FAT4: variants seen among roughly 807,000 people sequenced by gnomAD.
The protein encoded by FAT4 is FAT atypical cadherin 4.
A neutral mutation model predicts 303.9 loss-of-function variants in FAT4; 84 were observed. The ratio of observed to expected loss-of-function variants is 0.28; its 90% CI spans 0.23 to 0.33. FAT4 has a LOEUF of 0.33. Ranked by LOEUF, FAT4 falls within the 10% of genes least tolerant of loss-of-function variation. The pLI, the probability that FAT4 is intolerant of heterozygous loss-of-function variation, is 1.00. For synonymous variants in FAT4, 2,307 were observed against 2,298.8 expected (o/e 1.00, Z -0.10); for missense variants, 6,005 against 6,146.8 (o/e 0.98, Z 0.77).
chr4:125,477,441 C>T, intron 14 of FAT4, 107 bp downstream of exon 14: 2 of 1,004,788 alleles, frequency 2.0e-6, no homozygotes, highest in Non-Finnish European at 2.8e-6. Context: ...CTAAAAATAC[C>T]AAATGATTTA....
chr4:125,443,888 A>T (rs1725742236), intron 8 of FAT4, among the ~76,000 whole-genome samples: 1 of 152,136 alleles, frequency 6.6e-6, no homozygotes, highest in African/African-American at 2.4e-5. Flanking sequence ...CTACGTACAG[A>T]GCTTATTGTG....
chr4:125,491,679 C>A lies in FAT4; in HGVS notation c.14863C>A (p.Leu4955Ile). Residue 4955 changes from leucine to isoleucine, a missense_variant, in exon 18 of 18, where the codon CTT becomes ATT. By Grantham distance (5) the Leu-to-Ile change is conservative. Coordinates refer to ENST00000394329, the MANE Select transcript of FAT4 (RefSeq NM_001291303.3). ...YVDVFKDLAS[L>I]PEKAAANEEG... ...AGATGTTTTTAAAGATTTGGCATCT[C>A]TTCCAGAAAAAGCAGCAGCAAATGA... The A allele has an allele frequency of 6.2e-7, 1 of 1,614,164 alleles. No homozygotes were observed. Among genetic ancestry groups the A allele is most frequent in the Non-Finnish European group, 8.5e-7 (1 of 1,180,032 alleles).
chr4:125,437,288 T>C (rs1725489742), intron 8 of FAT4, among the ~76,000 whole-genome samples: 1 of 151,698 alleles, frequency 6.6e-6, no homozygotes, highest in South Asian at 2.1e-4. Context: ...ACTTTAAAGG[T>C]AGGTTTAGGA....
At chr4:125,389,114 C>A (rs1284613582) in intron 2 of FAT4, among the ~76,000 whole-genome samples, 6 of 151,966 alleles carry the variant, frequency 3.9e-5, no homozygotes. Flanking sequence ...AAAAATGAAA[C>A]CAAAGAGAAT....
Position 125,322,795 on chromosome 4 carries a change from G to C in FAT4, c.5175+1209G>C, listed in dbSNP as rs145015210. The stretch of plus-strand genomic sequence containing the variant: ...TAGTAGTTGGTTATGTCTATCTATG[G>C]ATGGGGAAGAATATTTATGGCTTAA... On this transcript the variant is annotated intron_variant, in intron 2 of 17. Transcript: ENST00000394329. 9.5e-3 allele frequency among the ~76,000 whole-genome samples: 1,446 copies of C among 151,580 alleles called. 25 individuals carry two copies. The highest frequency in any genetic ancestry group is 0.033 in the African/African-American group (1,375 of 41,374).
At chr4:125,401,306 T>C (rs531348668) in intron 3 of FAT4, among the ~76,000 whole-genome samples, 12 of 152,184 alleles carry the variant, frequency 7.9e-5, no homozygotes, top group African/African-American at 2.6e-4. Context: ...TTGTTGTTTT[T>C]AGTTGCTTAT....
chr4:125,360,901 TTTTA>T (rs1425217376), intron 2 of FAT4, among the ~76,000 whole-genome samples: 19 of 147,422 alleles, frequency 1.3e-4, no homozygotes, highest in Admixed American at 3.4e-4. Flanking sequence ...TTATTAAATT[TTTTA>T]TTTATTTATT....
chr4:125,483,276 T>C (rs1727290964), intron 16 of FAT4, among the ~76,000 whole-genome samples: 1 of 152,168 alleles, frequency 6.6e-6, no homozygotes, highest in Non-Finnish European at 1.5e-5. Context: ...GTATTAGAAG[T>C]AAACAAAGTA....
Position 125,415,471 on chromosome 4 carries a change from G to A in FAT4, c.6508G>A (p.Gly2170Arg). The change falls in exon 6 of 18, where the codon GGA (glycine) becomes AGA (arginine). Residue 2170 changes from glycine (G) to arginine (R), a missense_variant. By Grantham distance (125) the Gly-to-Arg change is moderately radical. Transcript: ENST00000394329. ...KVEINENTLT[G>R]TDIIQVFAAD... ...GGAGATTAATGAAAACACACTTACT[G>A]GAACAGATATAATACAAGTGTTCGC... 1 of 1,614,038 alleles carries A rather than the reference G, an allele frequency of 6.2e-7. No individual in the cohort carries two copies. The highest frequency in any genetic ancestry group is 1.7e-4 in the Middle Eastern group (1 of 6,060).
chr4:125,462,406 A>G (rs915778092), intron 10 of FAT4, among the ~76,000 whole-genome samples: 6 of 151,990 alleles, frequency 3.9e-5, no homozygotes, highest in African/African-American at 1.4e-4. Context: ...CCAGAAACAA[A>G]TGATGTAGTA....
intron 2 of FAT4, among the ~76,000 whole-genome samples, chr4:125,385,689 T>C (rs1166358878): frequency 6.6e-6 from 1 of 152,198 alleles, no homozygotes; most frequent in Non-Finnish European, 1.5e-5. Flanking sequence ...TCAGTATTTA[T>C]AATTGATGGC....
intron 8 of FAT4, among the ~76,000 whole-genome samples, chr4:125,440,610 T>TGTGTGA (rs372756130): frequency 8.4e-4 from 64 of 75,748 alleles, no homozygotes; most frequent in African/African-American, 2.3e-3. Context: ...TGTGTGTGTG[T>TGTGTGA]GAGAGAGAGA....
At chr4:125,344,010 T>C (rs1731899447) in intron 2 of FAT4, among the ~76,000 whole-genome samples, 1 of 151,944 alleles carries the variant, frequency 6.6e-6, no homozygotes, top group Admixed American at 6.6e-5. Flanking sequence ...GCAGGAGGAG[T>C]GTATTAGGAG....
intron 7 of FAT4, among the ~76,000 whole-genome samples, chr4:125,432,534 C>T (rs945550098): frequency 1.3e-5 from 2 of 152,130 alleles, no homozygotes; most frequent in African/African-American, 4.8e-5. Flanking sequence ...ATCCTACATT[C>T]ATATCTATTT....
At chr4:125,479,694 T>TCCTC in intron 14 of FAT4, 47 bp from the exon 15 acceptor site, 1 of 1,467,880 alleles carries the variant, frequency 6.8e-7, no homozygotes. Flanking sequence ...AGCAAACTTC[T>TCCTC]CCTCATCTTT....
intron 2 of FAT4, among the ~76,000 whole-genome samples, chr4:125,344,760 C>G: frequency 6.6e-6 from 1 of 151,914 alleles, no homozygotes; most frequent in Non-Finnish European, 1.5e-5. Flanking sequence ...TTATTCACAC[C>G]ATAATTGTAA....
intron 2 of FAT4, among the ~76,000 whole-genome samples, chr4:125,365,135 C>A (rs529164795): frequency 3.9e-5 from 6 of 152,228 alleles, no homozygotes; most frequent in African/African-American, 1.4e-4. Flanking sequence ...CCTTGAGCAA[C>A]TAAGTGGATG....
chr4:125,469,342 G>A (rs1022825051), intron 12 of FAT4, among the ~76,000 whole-genome samples: 5 of 152,132 alleles, frequency 3.3e-5, no homozygotes, highest in Non-Finnish European at 4.4e-5. Flanking sequence ...CGTGGTGGGG[G>A]CTATGGAAAT....
intron 2 of FAT4, among the ~76,000 whole-genome samples, chr4:125,389,895 T>G (rs1197994609): frequency 1.3e-5 from 2 of 152,188 alleles, no homozygotes; most frequent in Non-Finnish European, 2.9e-5. Context: ...AAATGCAAAC[T>G]GTTCTTTGTT....
Sources: gnomAD v4.1 joint callset for allele counts (sites outside exome capture counted in the v4.1 genomes callset) on GRCh38, gnomAD v4.1.1 for gene constraint, MANE v1.5 for transcripts, NCBI Gene and HGNC (gene_info 2026-07-23, HGNC 2026-07-21) for gene names.